Variants in KIAA1217 observed in about 807,000 individuals in gnomAD.
KIAA1217 encodes KIAA1217.
Under a neutral mutation model 163.9 loss-of-function variants are expected in KIAA1217, and 88 were observed. That is an observed-to-expected ratio of 0.54 (90% confidence interval 0.45 to 0.64). The LOEUF (loss-of-function observed/expected upper bound fraction) is 0.64, where lower values mean the gene tolerates loss of function less well. Ranked by LOEUF, KIAA1217 falls within the 30% of genes least tolerant of loss-of-function variation. The probability of loss-of-function intolerance (pLI) is 0.00; values close to 1 mark genes in which losing one functional copy is unlikely to be tolerated. For synonymous variants in KIAA1217, 903 were observed against 923.1 expected, an observed-to-expected ratio of 0.98 and a Z score of 0.39; for missense variants, 2,372 against 2,475.0, an observed-to-expected ratio of 0.96 and a Z score of 0.88.
intron 2 of KIAA1217, chr10:24,158,090 G>C (rs186845617): frequency 2.6e-6 from 2 of 755,168 alleles, no homozygotes; most frequent in Non-Finnish European, 5.0e-6. Flanking sequence ...TAAAAGTGGC[G>C]CTCCACAAGT....
At chr10:24,513,919 A>C (rs2069617278) in intron 10 of KIAA1217, among the ~76,000 whole-genome samples, 1 of 152,220 alleles carries the variant, frequency 6.6e-6, no homozygotes, top group Admixed American at 6.5e-5. Context: ...TCAATAAATT[A>C]AAACTAATGG....
chr10:24,516,327 CT>C (rs1259543197), intron 10 of KIAA1217, among the ~76,000 whole-genome samples: 7 of 152,226 alleles, frequency 4.6e-5, no homozygotes, highest in African/African-American at 1.4e-4. Flanking sequence ...CATTTGCACA[CT>C]GACTTCCTGT....
Position 24,064,135 on chromosome 10 carries a change from C to G in KIAA1217, c.-171+56761C>G, listed in dbSNP as rs868230580. On this transcript the variant is annotated intron_variant, in intron 2 of 18. Coordinates refer to the KIAA1217 transcript ENST00000376462. ...TTTCCTAATTGAATGCCCTTTATTCCCTTCTCCTGCCTGATTGCCCTGGCC... is the reference window on the plus strand; with the variant it reads ...TTTCCTAATTGAATGCCCTTTATTCGCTTCTCCTGCCTGATTGCCCTGGCC... Among the ~76,000 whole-genome samples, 99 of 152,204 alleles carry G rather than the reference C, an allele frequency of 6.5e-4. 1 individual carries two copies. The highest frequency in any genetic ancestry group is 2.3e-3 in the African/African-American group (96 of 41,530).
intron 2 of KIAA1217, among the ~76,000 whole-genome samples, chr10:24,311,666 C>T (rs900574990): frequency 1.3e-5 from 2 of 152,142 alleles, no homozygotes; most frequent in Non-Finnish European, 2.9e-5. Context: ...CTGGGCGGTA[C>T]TGCAGTGACC....
intron 1 of KIAA1217, among the ~76,000 whole-genome samples, chr10:23,751,220 G>C (rs1003299076): frequency 6.6e-6 from 1 of 151,966 alleles, no homozygotes; most frequent in Non-Finnish European, 1.5e-5. Context: ...TAAAGCTGGG[G>C]TTTCTCCATG....
chr10:24,410,013 T>C (rs1384053076), intron 3 of KIAA1217, among the ~76,000 whole-genome samples: 3 of 149,284 alleles, frequency 2.0e-5, no homozygotes, highest in Admixed American at 6.7e-5. Context: ...TTTTTTTTTT[T>C]TGAGACAGGG....
chr10:23,961,136 A>G (rs1186045453), intron 1 of KIAA1217, among the ~76,000 whole-genome samples: 3 of 152,222 alleles, frequency 2.0e-5, no homozygotes, highest in African/African-American at 7.2e-5. Flanking sequence ...ATAAAAATGC[A>G]ATTTCCATGA....
chr10:23,746,665 C>T (rs778746995), intron 1 of KIAA1217, among the ~76,000 whole-genome samples: 9 of 151,982 alleles, frequency 5.9e-5, no homozygotes, highest in Non-Finnish European at 1.3e-4. Context: ...CCTTGTGATC[C>T]GCCCACCTCA....
chr10:23,790,582 T>TAC lies in KIAA1217; in HGVS notation c.-321+95349_-321+95350insCA, dbSNP rs1426281844. Among the ~76,000 whole-genome samples the TAC allele has an allele frequency of 1.4e-4, 18 of 124,870 alleles. 3 individuals are homozygous for TAC. The highest frequency in any genetic ancestry group is 2.6e-4 in the Non-Finnish European group (16 of 62,132). The allele number at this position is 124,870 out of a possible 152,430, so 81.9% of individuals were successfully genotyped here. On this transcript the variant is annotated intron_variant, in intron 1 of 18. Coordinates refer to the KIAA1217 transcript ENST00000376462. Reference sequence around the variant, plus strand: ...GTACATATGTATATATACATATGTATATGTACATATATACATGTACATATA... The same window carrying TAC: ...GTACATATGTATATATACATATGTATACATGTACATATATACATGTACATATA...
chr10:24,182,439 CA>C (rs2066223285), intron 2 of KIAA1217, among the ~76,000 whole-genome samples: 1 of 60,986 alleles, frequency 1.6e-5, no homozygotes, highest in African/African-American at 5.3e-5. Context: ...AAGACTCCAT[CA>C]CACACACACA....
At chr10:24,504,509 C>T (rs1399981873) in intron 9 of KIAA1217, among the ~76,000 whole-genome samples, 3 of 152,192 alleles carry the variant, frequency 2.0e-5, no homozygotes, top group African/African-American at 7.2e-5. Context: ...ATCTCGGCAC[C>T]AATTCTCCTT....
intron 6 of KIAA1217, among the ~76,000 whole-genome samples, chr10:24,486,385 C>G (rs1341182172): frequency 6.6e-6 from 1 of 152,210 alleles, no homozygotes; most frequent in Non-Finnish European, 1.5e-5. Context: ...TCCCTATTGT[C>G]CTTGTACAAT....
intron 1 of KIAA1217, among the ~76,000 whole-genome samples, chr10:23,965,017 T>C (rs2131379335): frequency 6.6e-6 from 1 of 152,150 alleles, no homozygotes; most frequent in South Asian, 2.1e-4. Context: ...CTTTACCCCG[T>C]CCCCCAGCTG....
At chr10:24,431,057 T>C (rs887782669) in intron 3 of KIAA1217, among the ~76,000 whole-genome samples, 6 of 152,248 alleles carry the variant, frequency 3.9e-5, no homozygotes, top group Admixed American at 3.9e-4. Flanking sequence ...TGTTGAGTTA[T>C]TCCCTTGAAG....
chr10:23,704,172 G>GTATATATATATATATATATA (rs35533445), intron 1 of KIAA1217, among the ~76,000 whole-genome samples: 3 of 39,948 alleles, frequency 7.5e-5, no homozygotes, highest in African/African-American at 1.3e-4. Context: ...GTGTGTGTGT[G>GTATATATATATATATATATA]TATATATATA....
At chr10:24,279,908 A>G (rs1218806390) in intron 2 of KIAA1217, among the ~76,000 whole-genome samples, 1 of 152,216 alleles carries the variant, frequency 6.6e-6, no homozygotes, top group Non-Finnish European at 1.5e-5. Flanking sequence ...GGGTTCTCTA[A>G]GTTTAGTGTT....
intron 1 of KIAA1217, among the ~76,000 whole-genome samples, chr10:23,813,117 T>C (rs551473019): frequency 6.6e-6 from 1 of 152,282 alleles, no homozygotes; most frequent in African/African-American, 2.4e-5. Context: ...TCTGACTTTT[T>C]GATGATAGCA....
At chr10:23,698,096 A>G (rs1836166971) in intron 1 of KIAA1217, among the ~76,000 whole-genome samples, 1 of 152,234 alleles carries the variant, frequency 6.6e-6, no homozygotes, top group Non-Finnish European at 1.5e-5. Context: ...TATTGTAATT[A>G]CATGATTTAA....
At chr10:24,329,172 C>T (rs1231905383) in intron 2 of KIAA1217, among the ~76,000 whole-genome samples, 1 of 146,434 alleles carries the variant, frequency 6.8e-6, no homozygotes, top group East Asian at 2.0e-4. Context: ...ATACATAGTA[C>T]ATAAATGGTG....
Sources: allele counts gnomAD v4.1 joint callset (sites outside exome capture counted in the v4.1 genomes callset), GRCh38; gene constraint gnomAD v4.1.1; transcripts MANE v1.5; gene names NCBI Gene and HGNC (gene_info 2026-07-23, HGNC 2026-07-21).